Variants in ARMC3 observed in about 807,000 individuals in gnomAD.
ARMC3 encodes the protein armadillo repeat containing 3, also known as armadillo repeat-containing protein 3.
A neutral mutation model predicts 90.3 loss-of-function variants in ARMC3; 74 were observed. That is an observed-to-expected ratio of 0.82 (90% CI 0.68 to 0.99). The LOEUF is 0.99. ARMC3 is among the 50% of genes least tolerant of loss of function. The probability of loss-of-function intolerance (pLI) is 0.00; values close to 1 mark genes in which losing one functional copy is unlikely to be tolerated. For synonymous variants in ARMC3, 334 were observed against 361.8 expected (o/e 0.92, Z 0.87); for missense variants, 958 against 1,042.8 (o/e 0.92, Z 1.12).
Position 23,006,936 on chromosome 10 carries a change from C to T in ARMC3, c.1784C>T (p.Pro595Leu), listed in dbSNP as rs368086967. Residue 595 changes from proline (P) to leucine (L), a missense_variant, in exon 14 of 19, where the codon CCA becomes CTA. Pro to Leu is a moderately conservative substitution (Grantham distance 98, BLOSUM62 -3). Transcript: ENST00000298032. ...LPLKELCLQE[P>L]SDLRAVLLIN... ...TTGAAGGAGCTCTGCTTACAAGAAC[C>T]AAGTGACCTACGGGCTGTACTCTTA... 1 of 1,613,860 alleles carries T rather than the reference C, an allele frequency of 6.2e-7. No homozygotes were observed. The highest frequency in any genetic ancestry group is 8.5e-7 in the Non-Finnish European group (1 of 1,179,904).
chr10:23,028,103 C>T (rs1488461062), intron 16 of ARMC3, among the ~76,000 whole-genome samples: 1 of 152,134 alleles, frequency 6.6e-6, no homozygotes, highest in Non-Finnish European at 1.5e-5. Flanking sequence ...TGGTGGCAGC[C>T]AGTGCACCCC....
At position 22,958,938 on chromosome 10, in the gene ARMC3, G is replaced by C. The variant is rs111484108; in HGVS notation, c.293-132G>C. The C allele has an allele frequency of 5.4e-4, 367 of 676,732 alleles. 1 individual carries two copies. In the African/African-American group the frequency reaches 6.1e-3, roughly 11 times the overall value. The allele number at this position is 676,732 out of a possible 1,614,324, so 41.9% of individuals were successfully genotyped here. A position where few individuals can be genotyped will look rare whatever the true frequency, so the allele number is the denominator to read the frequency against. ...GGGTTTCACCATGTTGGCTAGGCTG[G>C]TCTCGAACTCCTGACCTCAAGTGAT... On this transcript the variant is annotated intron_variant, in intron 4 of 18. Coordinates refer to ENST00000298032, the MANE Select transcript of ARMC3 (RefSeq NM_173081.5).
intron 1 of ARMC3, among the ~76,000 whole-genome samples, chr10:22,931,163 G>A (rs986562856): frequency 1.3e-5 from 2 of 152,098 alleles, no homozygotes; most frequent in African/African-American, 2.4e-5. Flanking sequence ...TCCTGACCTC[G>A]TGATTCGCCC....
chr10:22,979,206 T>G (rs909743515), intron 8 of ARMC3, among the ~76,000 whole-genome samples: 4 of 152,214 alleles, frequency 2.6e-5, no homozygotes, highest in Admixed American at 2.0e-4. Context: ...ACTGAACAAA[T>G]GTTATTTTTA....
intron 2 of ARMC3, among the ~76,000 whole-genome samples, chr10:22,935,523 C>T (rs182204618): frequency 2.9e-4 from 44 of 152,294 alleles, no homozygotes; most frequent in Non-Finnish European, 5.7e-4. Flanking sequence ...CTCGAATTGA[C>T]TGGGCTTAGA....
At chr10:22,977,871 G>A (rs577750285) in intron 8 of ARMC3, among the ~76,000 whole-genome samples, 20 of 152,176 alleles carry the variant, frequency 1.3e-4, no homozygotes, top group Non-Finnish European at 2.2e-4. Flanking sequence ...CATTGGAAGT[G>A]CAGAGCTTTG....
In ARMC3 at chr10:23,024,259, C is replaced by A. The variant is rs12254379; in HGVS notation, c.2046-6337C>A. On this transcript the variant is annotated intron_variant, in intron 16 of 18. Coordinates refer to ENST00000298032, the MANE Select transcript of ARMC3 (RefSeq NM_173081.5). ...CAGCAATGAAGAAGACAAATAAAGC[C>A]CTTCTCAGGTAAAGGAAAACTAAAC... is the stretch of plus-strand genomic sequence containing the variant. Among the ~76,000 whole-genome samples the A allele has an allele frequency of 8.1e-3, 1,234 of 152,130 alleles. 19 individuals carry two copies. Among genetic ancestry groups the A allele is most frequent in the African/African-American group, 0.028 (1,168 of 41,498 alleles).
intron 16 of ARMC3, among the ~76,000 whole-genome samples, chr10:23,022,052 G>A (rs1838533545): frequency 1.3e-5 from 2 of 151,992 alleles, no homozygotes; most frequent in Non-Finnish European, 2.9e-5. Context: ...CTTGGTGAAT[G>A]CCTTGAAAAA....
chr10:22,968,614 A>C, intron 8 of ARMC3, 125 bp downstream of exon 8: 1 of 822,408 alleles, frequency 1.2e-6, no homozygotes, highest in Non-Finnish European at 1.8e-6. Flanking sequence ...TGATTCTCCC[A>C]CCTCAGCCTT....
chr10:22,963,922 CAAAAAAAAAAA>C lies in ARMC3; in HGVS notation c.732+1862_732+1872del, dbSNP rs35508443. ...ACACACACACACACACACACACACA[CAAAAAAAAAAA>C]AAAAAAAAAAAAAAAAAGACTAACA... is the stretch of plus-strand genomic sequence containing the variant. On this transcript the variant is annotated intron_variant, in intron 7 of 18. Coordinates refer to ENST00000298032, the MANE Select transcript of ARMC3 (RefSeq NM_173081.5). 7.1e-3 allele frequency among the ~76,000 whole-genome samples: 414 copies of C among 58,412 alleles called. 3 individuals are homozygous for C. The highest frequency in any genetic ancestry group is 0.028 in the African/African-American group (366 of 13,142). 38.3% of individuals were successfully genotyped at this position (58,412 alleles called of 152,430 possible).
chr10:22,937,310 A>C (rs965477187), intron 2 of ARMC3, among the ~76,000 whole-genome samples: 3 of 151,856 alleles, frequency 2.0e-5, no homozygotes, highest in African/African-American at 7.3e-5. Flanking sequence ...TACTCTACCT[A>C]CTCCTCTGAG....
chr10:23,001,195 T>G (rs895489046), intron 11 of ARMC3, among the ~76,000 whole-genome samples: 1 of 152,210 alleles, frequency 6.6e-6, no homozygotes, highest in African/African-American at 2.4e-5. Context: ...AGGGACTGTG[T>G]TAACTTCCTA....
intron 16 of ARMC3, among the ~76,000 whole-genome samples, chr10:23,028,451 G>A (rs1000594434): frequency 6.6e-6 from 1 of 152,178 alleles, no homozygotes; most frequent in Non-Finnish European, 1.5e-5. Context: ...AGGCAGTGGT[G>A]TCTATTGATT....
At chr10:23,007,717 AGAGAG>A (rs1837694953) in intron 14 of ARMC3, among the ~76,000 whole-genome samples, 1 of 16,352 alleles carries the variant, frequency 6.1e-5, no homozygotes, top group Non-Finnish European at 2.8e-4. Flanking sequence ...AAAAAAAAAA[AGAGAG>A]AGAGCGAGAG....
intron 13 of ARMC3, among the ~76,000 whole-genome samples, chr10:23,004,087 T>C (rs188437713): frequency 6.6e-6 from 1 of 151,238 alleles, no homozygotes; most frequent in East Asian, 1.9e-4. Flanking sequence ...AGTTCGAGGA[T>C]GTAGTGAGCT....
chr10:22,953,738 T>G (rs1834819803), intron 3 of ARMC3, among the ~76,000 whole-genome samples: 1 of 152,210 alleles, frequency 6.6e-6, no homozygotes. Flanking sequence ...GTTAAAAACT[T>G]TCTCACAGAT....
Position 22,956,032 on chromosome 10 carries a change from C to A in ARMC3, c.292+100C>A, listed in dbSNP as rs577105763. 5 of 1,175,274 alleles carry A rather than the reference C, an allele frequency of 4.3e-6. No homozygotes were observed. The African/African-American group carries it at 6.2e-5, about 15-fold the overall frequency. The allele number at this position is 1,175,274 out of a possible 1,614,324, so 72.8% of individuals were successfully genotyped here. A position where few individuals can be genotyped will look rare whatever the true frequency, so the allele number is the denominator to read the frequency against. ...GGAATTTGTTTCAATTTTATTTAAA[C>A]TGACTTTCATGTTCACAAAAACATT... On this transcript the variant is annotated intron_variant, in intron 4 of 18. Transcript: ENST00000298032.
At chr10:22,984,621 A>G (rs1836332827) in intron 10 of ARMC3, among the ~76,000 whole-genome samples, 1 of 152,160 alleles carries the variant, frequency 6.6e-6, no homozygotes, top group Admixed American at 6.5e-5. Flanking sequence ...GATGATGAGC[A>G]ATTTTAGTAG....
intron 16 of ARMC3, among the ~76,000 whole-genome samples, chr10:23,011,715 T>G (rs1370250049): frequency 6.6e-6 from 1 of 152,204 alleles, no homozygotes; most frequent in Admixed American, 6.5e-5. Context: ...GTAGCTTGCA[T>G]GTGACCTTGG....
Sources: allele counts gnomAD v4.1 joint callset (sites outside exome capture counted in the v4.1 genomes callset), GRCh38; gene constraint gnomAD v4.1.1; transcripts MANE v1.5; gene names NCBI Gene and HGNC (gene_info 2026-07-23, HGNC 2026-07-21).